FGF2: variants seen among roughly 807,000 people sequenced by gnomAD.
FGF2 encodes fibroblast growth factor 2.
A neutral mutation model predicts 15.9 loss-of-function variants in FGF2; 13 were observed. The ratio of observed to expected loss-of-function variants is 0.82; its 90% CI spans 0.53 to 1.30. The LOEUF (loss-of-function observed/expected upper bound fraction) is 1.30. FGF2 is among the 50% of genes most tolerant of loss of function. The probability of loss-of-function intolerance (pLI) is 0.00; values close to 1 mark genes in which losing one functional copy is unlikely to be tolerated. For missense variants in FGF2, 163 were observed against 196.9 expected, an observed-to-expected ratio of 0.83 and a Z score of 1.03; for synonymous variants, 90 against 78.4, an observed-to-expected ratio of 1.15 and a Z score of -0.78.
intron 2 of FGF2, 52 bp from the exon 3 acceptor site, chr4:122,892,157 AGT>A: frequency 2.2e-6 from 3 of 1,372,876 alleles, no homozygotes; most frequent in Non-Finnish European, 3.1e-6. Flanking sequence ...TAATATGAAA[AGT>A]GTAATAATAA....
intron 1 of FGF2, among the ~76,000 whole-genome samples, chr4:122,853,726 G>A (rs17006214): frequency 6.6e-6 from 1 of 152,178 alleles, no homozygotes; most frequent in Non-Finnish European, 1.5e-5. Context: ...GGAATGGTGC[G>A]AGGGTGTATA....
chr4:122,826,766 G>A (rs1262363818), upstream of FGF2: 2 of 1,324,920 alleles, frequency 1.5e-6, no homozygotes, highest in South Asian at 2.0e-5. Flanking sequence ...AGAACTGGGG[G>A]CGCGGGAGGC....
intron 1 of FGF2, among the ~76,000 whole-genome samples, chr4:122,845,125 A>G (rs1726083745): frequency 6.6e-6 from 1 of 152,152 alleles, no homozygotes; most frequent in Non-Finnish European, 1.5e-5. Context: ...CTCTCCATCA[A>G]AGCTCTTGAG....
rs751736046 is a variant in FGF2, at chr4:122,893,154, G to A, written c.*758G>A. On this transcript the variant is annotated 3_prime_UTR_variant, in exon 3 of 3. Transcript: ENST00000644866. ...GCTCCAGGATTTGTGTGCTGTTGCCGAATACTCAGGACGGACCTGAATTCT... is the reference window on the plus strand; with the variant it reads ...GCTCCAGGATTTGTGTGCTGTTGCCAAATACTCAGGACGGACCTGAATTCT... 11 of 1,613,980 alleles carry A rather than the reference G, an allele frequency of 6.8e-6. No individual in the cohort carries two copies. The Admixed American group carries it at 1.5e-4, about 22-fold the overall frequency.
intron 1 of FGF2, among the ~76,000 whole-genome samples, chr4:122,854,603 C>A (rs1389480914): frequency 6.6e-6 from 1 of 152,210 alleles, no homozygotes; most frequent in East Asian, 1.9e-4. Flanking sequence ...TGAAGACTTT[C>A]AGGCAAAGGA....
intron 1 of FGF2, among the ~76,000 whole-genome samples, chr4:122,829,911 C>A (rs1163436440): frequency 3.3e-5 from 5 of 152,122 alleles, no homozygotes; most frequent in Non-Finnish European, 7.4e-5. Context: ...CATGAGGAGA[C>A]CCCCCAAAAC....
At chr4:122,847,617 C>CTATT (rs1370134832) in intron 1 of FGF2, among the ~76,000 whole-genome samples, 1 of 136,604 alleles carries the variant, frequency 7.3e-6, no homozygotes, top group Non-Finnish European at 1.5e-5. Flanking sequence ...ATCTATCTAT[C>CTATT]TATCTATCTA....
chr4:122,834,210 C>T (rs984553814), intron 1 of FGF2, among the ~76,000 whole-genome samples: 4 of 152,208 alleles, frequency 2.6e-5, no homozygotes, highest in African/African-American at 4.8e-5. Context: ...CTGCAAAGGG[C>T]GTGAACTTCT....
chr4:122,895,008 C>T lies in FGF2; in HGVS notation c.*2612C>T, dbSNP rs1290777705. On this transcript the variant is annotated 3_prime_UTR_variant, in exon 3 of 3. Coordinates refer to ENST00000644866, the MANE Select transcript of FGF2 (RefSeq NM_001361665.2). ...GAGCAAATCTGCCCTGCTCAGCAGT[C>T]ACCATAGCAGCTGACTGAAAATCAG... 1 of 152,186 alleles carries T rather than the reference C, an allele frequency of 6.6e-6. No homozygotes were observed. Among genetic ancestry groups the T allele is most frequent in the African/African-American group, 2.4e-5 (1 of 41,432 alleles). 9.4% of individuals were successfully genotyped at this position (152,186 alleles called of 1,614,324 possible).
rs1275530225 is a variant in FGF2, at chr4:122,895,761, A to G, written c.*3365A>G. On this transcript the variant is annotated 3_prime_UTR_variant, in exon 3 of 3. Transcript: ENST00000644866. ...AATTCTTCATTTACCTAGTATTATGAAAGAATGAAGGAGTTCAAACAAATG... is the reference window on the plus strand; with the variant it reads ...AATTCTTCATTTACCTAGTATTATGGAAGAATGAAGGAGTTCAAACAAATG... 1.3e-5 allele frequency: 2 copies of G among 152,258 alleles called. No individual in the cohort carries two copies. Among genetic ancestry groups the G allele is most frequent in the Non-Finnish European group, 2.9e-5 (2 of 68,044 alleles). 9.4% of individuals were successfully genotyped at this position (152,258 alleles called of 1,614,324 possible).
At chr4:122,888,334 G>A (rs974987586) in intron 2 of FGF2, among the ~76,000 whole-genome samples, 7 of 152,068 alleles carry the variant, frequency 4.6e-5, no homozygotes, top group African/African-American at 1.7e-4. Flanking sequence ...CTGTATTACT[G>A]AATAACCCTT....
Position 122,892,331 on chromosome 4 carries a change from C to T in FGF2, c.403C>T (p.Leu135Phe). The change falls in exon 3 of 3, where the codon CTT becomes TTT. Residue 135 changes from leucine (L) to phenylalanine (F), a missense_variant. Physicochemically the swap from Leu to Phe is conservative, Grantham distance 22. Transcript: ENST00000644866. The part of the protein sequence containing the change: ...VALKRTGQYK[L>F]GSKTGPGQKA... The stretch of plus-strand genomic sequence containing the variant: ...ACTGAAACGAACTGGGCAGTATAAA[C>T]TTGGATCCAAAACAGGACCTGGGCA... The T allele has an allele frequency of 2.5e-6, 4 of 1,614,124 alleles. No individual in the cohort carries two copies. The highest frequency in any genetic ancestry group is 3.4e-6 in the Non-Finnish European group (4 of 1,179,996).
chr4:122,875,088 C>A (rs1026227671), intron 1 of FGF2, among the ~76,000 whole-genome samples: 3 of 152,052 alleles, frequency 2.0e-5, no homozygotes, highest in South Asian at 2.1e-4. Context: ...GACACCAGAA[C>A]CTATTTTTTA....
At chr4:122,854,799 G>A (rs1388481581) in intron 1 of FGF2, among the ~76,000 whole-genome samples, 1 of 152,084 alleles carries the variant, frequency 6.6e-6, no homozygotes, top group Non-Finnish European at 1.5e-5. Flanking sequence ...GTGCTGCCGG[G>A]GCTATTTTCA....
chr4:122,827,227 G>C lies in FGF2; in HGVS notation c.53G>C (p.Ser18Thr). Residue 18 changes from serine (S) to threonine (T), a missense_variant, in exon 1 of 3, where the codon AGC (serine) becomes ACC (threonine). Physicochemically the swap from Ser to Thr is moderately conservative, Grantham distance 58. Transcript: ENST00000644866. The surrounding 1 kb of genome is among the most constrained non-coding windows in gnomAD (Gnocchi z 4.2). ...TLPALPEDGG[S>T]GAFPPGHFKD... ...CCCGCCTTGCCCGAGGATGGCGGCA[G>C]CGGCGCCTTCCCGCCCGGCCACTTC... 6.2e-7 allele frequency: 1 copy of C among 1,611,214 alleles called. No homozygotes were observed. The highest frequency in any genetic ancestry group is 8.5e-7 in the Non-Finnish European group (1 of 1,179,428).
At chr4:122,839,200 A>T (rs1725926007) in intron 1 of FGF2, among the ~76,000 whole-genome samples, 1 of 152,208 alleles carries the variant, frequency 6.6e-6, no homozygotes, top group South Asian at 2.1e-4. Context: ...GTATTTGTGT[A>T]TTTAAGCATA....
At chr4:122,884,914 A>T (rs62322256) in intron 2 of FGF2, among the ~76,000 whole-genome samples, 24,057 of 152,154 alleles carry the variant, frequency 0.16, 2,409 homozygotes, top group East Asian at 0.45. Flanking sequence ...TCTAAAGACC[A>T]TCTAATCCAA....
chr4:122,840,062 T>A (rs1285807840), intron 1 of FGF2, among the ~76,000 whole-genome samples: 2 of 152,158 alleles, frequency 1.3e-5, no homozygotes, highest in Non-Finnish European at 2.9e-5. Flanking sequence ...TCAGTCAGAT[T>A]GGATGGGGGC....
chr4:122,826,813 C>T (rs775088697), upstream of FGF2: 19 of 1,448,948 alleles, frequency 1.3e-5, no homozygotes, highest in South Asian at 2.4e-4. Context: ...GAAGATGTGA[C>T]GCCGCGGCCC....
Sources: gnomAD v4.1 joint callset for allele counts (sites outside exome capture counted in the v4.1 genomes callset) on GRCh38, gnomAD v4.1.1 for gene constraint, Gnocchi (gnomAD v3.1) non-coding constraint, MANE v1.5 for transcripts, NCBI Gene and HGNC (gene_info 2026-07-23, HGNC 2026-07-21) for gene names.